The following FHIT variants were observed in gnomAD, a reference collection of about 807,000 sequenced individuals.
FHIT encodes the protein fragile histidine triad diadenosine triphosphatase.
In FHIT, 19 loss-of-function variants were observed where a neutral mutation model predicts 17.9. The ratio of observed to expected loss-of-function variants is 1.06; its 90% CI spans 0.74 to 1.56. The LOEUF (loss-of-function observed/expected upper bound fraction) is 1.56, where lower values mean the gene tolerates loss of function less well. Among genes scored for constraint, FHIT ranks in the 40% most tolerant of loss-of-function variants. FHIT has a pLI of 0.00. For missense variants in FHIT, 248 were observed against 189.2 expected (o/e 1.31, Z -1.82); for synonymous variants, 81 against 69.7 (o/e 1.16, Z -0.81).
chr3:60,930,721 G>T (rs1299111785), intron 3 of FHIT, among the ~76,000 whole-genome samples: 7 of 152,150 alleles, frequency 4.6e-5, no homozygotes, highest in African/African-American at 1.7e-4. Flanking sequence ...AACAACAGGT[G>T]CTGGAGAGGA....
intron 5 of FHIT, among the ~76,000 whole-genome samples, chr3:60,462,818 A>T (rs914286424): frequency 6.6e-6 from 1 of 152,178 alleles, no homozygotes; most frequent in Non-Finnish European, 1.5e-5. Flanking sequence ...CTGGGCTAAT[A>T]CTTGTGAGTC....
chr3:60,381,505 G>GAAAAT (rs893484299), intron 5 of FHIT, among the ~76,000 whole-genome samples: 2 of 151,140 alleles, frequency 1.3e-5, no homozygotes, highest in African/African-American at 4.9e-5. Flanking sequence ...GAAAAGAAAA[G>GAAAAT]AAAAGATCAT....
intron 8 of FHIT, among the ~76,000 whole-genome samples, chr3:59,889,344 C>T (rs1243653762): frequency 6.6e-6 from 1 of 152,188 alleles, no homozygotes; most frequent in Non-Finnish European, 1.5e-5. Context: ...GCCACCTCTC[C>T]CAAATTTGCC....
At chr3:60,327,716 G>A (rs1302968177) in intron 5 of FHIT, among the ~76,000 whole-genome samples, 1 of 152,156 alleles carries the variant, frequency 6.6e-6, no homozygotes, top group African/African-American at 2.4e-5. Flanking sequence ...AAAGCAGAAT[G>A]GGTAAGTAAA....
At chr3:59,960,151 T>A (rs1008717929) in intron 7 of FHIT, among the ~76,000 whole-genome samples, 4 of 152,154 alleles carry the variant, frequency 2.6e-5, no homozygotes, top group Non-Finnish European at 5.9e-5. Flanking sequence ...AGGGGACAAC[T>A]GTGATTGTTC....
intron 3 of FHIT, among the ~76,000 whole-genome samples, chr3:60,995,371 G>A (rs1482294733): frequency 2.6e-5 from 4 of 152,056 alleles, no homozygotes; most frequent in Admixed American, 2.6e-4. Context: ...CTGCCTCAAA[G>A]GTCAACAAGG....
At chr3:60,240,750 C>T (rs756475281) in intron 5 of FHIT, among the ~76,000 whole-genome samples, 2 of 152,072 alleles carry the variant, frequency 1.3e-5, no homozygotes, top group Non-Finnish European at 2.9e-5. Flanking sequence ...AGACAAAGTC[C>T]TCAACAGCTG....
intron 3 of FHIT, among the ~76,000 whole-genome samples, chr3:60,988,946 TAAAAAAAAAAAAAAAAAAAA>T (rs535898632): frequency 8.4e-4 from 29 of 34,340 alleles, no homozygotes; most frequent in African/African-American, 3.7e-3. Context: ...ATGGCTTTGT[TAAAAAAAAAAAAAAAAAAAA>T]AAAAAAAAAC....
rs143610555 is a variant in FHIT at position 61,156,502 on chromosome 3, A to T, written c.-164+44115T>A. On this transcript the variant is annotated intron_variant, in intron 2 of 9. Transcript: ENST00000492590. ...TTTGTGGTCTATCTCTCCACCAAGAACCCAAAGTCCCTGAGACAGGAATTT... is the reference window on the plus strand; with the variant it reads ...TTTGTGGTCTATCTCTCCACCAAGATCCCAAAGTCCCTGAGACAGGAATTT... Among the ~76,000 whole-genome samples, 145 of 152,188 alleles carry T rather than the reference A, an allele frequency of 9.5e-4. 1 individual carries two copies. In the East Asian group the frequency reaches 0.026, roughly 27 times the overall value.
At chr3:60,213,409 G>T (rs1157758113) in intron 5 of FHIT, among the ~76,000 whole-genome samples, 2 of 152,120 alleles carry the variant, frequency 1.3e-5, no homozygotes, top group Admixed American at 1.3e-4. Context: ...ACAGCTACAT[G>T]GGAGATGCTT....
chr3:60,445,325 A>G (rs2031248682), intron 5 of FHIT, among the ~76,000 whole-genome samples: 1 of 152,082 alleles, frequency 6.6e-6, no homozygotes, highest in South Asian at 2.1e-4. Flanking sequence ...ACTCAGGGTA[A>G]CCTGTATCAC....
At chr3:59,791,108 A>G (rs1699537741) in intron 8 of FHIT, among the ~76,000 whole-genome samples, 1 of 152,080 alleles carries the variant, frequency 6.6e-6, no homozygotes, top group African/African-American at 2.4e-5. Flanking sequence ...TCTTCACGGA[A>G]CTACTCTTTC....
intron 3 of FHIT, among the ~76,000 whole-genome samples, chr3:61,016,514 T>C (rs1236987942): frequency 1.3e-5 from 2 of 152,204 alleles, no homozygotes; most frequent in Non-Finnish European, 2.9e-5. Flanking sequence ...TAAATTTATG[T>C]TGCCTGGTGT....
intron 5 of FHIT, among the ~76,000 whole-genome samples, chr3:60,429,538 G>C (rs908160121): frequency 6.6e-5 from 10 of 152,008 alleles, no homozygotes; most frequent in Admixed American, 3.3e-4. Context: ...TAGAGAACAA[G>C]CAAACCCTGG....
rs9829239 is a variant in FHIT at position 60,868,080 on chromosome 3, T to C, written c.-110-46069A>G. Among the ~76,000 whole-genome samples, 885 of 152,212 alleles carry C rather than the reference T, an allele frequency of 5.8e-3. 8 individuals are homozygous for C. Among genetic ancestry groups the C allele is most frequent in the Middle Eastern group, 0.024 (7 of 294 alleles). On this transcript the variant is annotated intron_variant, in intron 3 of 9. Transcript: ENST00000492590. ...CATATCTGAATAGAATTGAAGGTTT[T>C]TAAATAAAAACATAAGAAGGTTGGA...
chr3:61,239,141 G>A (rs1350546693), intron 1 of FHIT, among the ~76,000 whole-genome samples: 5 of 152,174 alleles, frequency 3.3e-5, no homozygotes, highest in Admixed American at 6.5e-5. Flanking sequence ...TGGAGAAGCA[G>A]ATGAGTGGAA....
chr3:60,050,132 T>A (rs1701813087), intron 5 of FHIT, among the ~76,000 whole-genome samples: 1 of 152,220 alleles, frequency 6.6e-6, no homozygotes, highest in Non-Finnish European at 1.5e-5. Flanking sequence ...ATCTTTTATT[T>A]ACCAATTAGT....
At chr3:60,674,424 T>G (rs2040576351) in intron 4 of FHIT, among the ~76,000 whole-genome samples, 1 of 152,334 alleles carries the variant, frequency 6.6e-6, no homozygotes, top group South Asian at 2.1e-4. Context: ...TTTTTCTGAT[T>G]AATGGAGCTT....
intron 5 of FHIT, among the ~76,000 whole-genome samples, chr3:60,168,466 A>G (rs1310331206): frequency 6.6e-6 from 1 of 152,196 alleles, no homozygotes; most frequent in Admixed American, 6.5e-5. Context: ...ACTCTTGGGC[A>G]TATCTCTCCA....
Sources: gnomAD v4.1 joint callset for allele counts (sites outside exome capture counted in the v4.1 genomes callset) on GRCh38, gnomAD v4.1.1 for gene constraint, MANE v1.5 for transcripts, NCBI Gene and HGNC (gene_info 2026-07-23, HGNC 2026-07-21) for gene names.